The following PLXDC2 variants were observed in gnomAD, a reference collection of about 807,000 sequenced individuals.
PLXDC2 encodes the protein plexin domain-containing protein 2.
Under a neutral mutation model 68.9 loss-of-function variants are expected in PLXDC2, and 40 were observed. The observed-to-expected ratio is 0.58, with a 90% CI of 0.45 to 0.76. PLXDC2 has a LOEUF of 0.76. Ranked by LOEUF, PLXDC2 falls within the 30% of genes least tolerant of loss-of-function variation. PLXDC2 has a pLI of 0.00. For missense variants in PLXDC2, 644 were observed against 661.9 expected (o/e 0.97, Z 0.30); for synonymous variants, 243 against 234.2 (o/e 1.04, Z -0.34).
rs769154733 is a variant in PLXDC2, at chr10:20,279,596, G to A, written c.1474-107G>A. ...TAGCTATAATAAGAGATAATTTAAT[G>A]TGTTAATTAATTCAACATTTAATCT... is the stretch of plus-strand genomic sequence containing the variant. On this transcript the variant is annotated intron_variant, in intron 13 of 13. Transcript: ENST00000377252. 229 of 824,818 alleles carry A rather than the reference G, an allele frequency of 2.8e-4. 1 individual carries two copies. The highest frequency in any genetic ancestry group is 1.6e-3 in the Middle Eastern group (7 of 4,354). The allele number at this position is 824,818 out of a possible 1,614,324, so 51.1% of individuals were successfully genotyped here.
chr10:20,100,966 C>G (rs747351675), intron 4 of PLXDC2, among the ~76,000 whole-genome samples: 1 of 151,756 alleles, frequency 6.6e-6, no homozygotes, highest in Non-Finnish European at 1.5e-5. Context: ...GTATGTTGTT[C>G]TCACTTACTA....
intron 1 of PLXDC2, among the ~76,000 whole-genome samples, chr10:19,880,671 C>T (rs11592226): frequency 0.045 from 6,791 of 152,206 alleles, 191 homozygotes; most frequent in Middle Eastern, 0.12. Context: ...GTATTCAGTA[C>T]TTTCCATGAG....
intron 1 of PLXDC2, among the ~76,000 whole-genome samples, chr10:19,946,344 T>G (rs2131402409): frequency 6.6e-6 from 1 of 152,124 alleles, no homozygotes; most frequent in Middle Eastern, 3.4e-3. Flanking sequence ...TTCCACTCTA[T>G]CTCTTCACTC....
At chr10:20,005,121 G>A (rs1564654208) in intron 2 of PLXDC2, among the ~76,000 whole-genome samples, 1 of 152,186 alleles carries the variant, frequency 6.6e-6, no homozygotes, top group Non-Finnish European at 1.5e-5. Context: ...TCAAATGCAA[G>A]CTTTGCCAGG....
At chr10:20,015,163 C>T (rs1835189687) in intron 2 of PLXDC2, among the ~76,000 whole-genome samples, 1 of 152,198 alleles carries the variant, frequency 6.6e-6, no homozygotes, top group African/African-American at 2.4e-5. Context: ...CCTCTCTCTG[C>T]TCAATGGCCA....
At chr10:20,103,939 G>A (rs755495164) in intron 4 of PLXDC2, among the ~76,000 whole-genome samples, 13 of 152,182 alleles carry the variant, frequency 8.5e-5, no homozygotes, top group Admixed American at 2.0e-4. Context: ...CACCGTGCCC[G>A]GCTGACACAT....
chr10:20,127,079 T>A (rs1371207910), intron 4 of PLXDC2, among the ~76,000 whole-genome samples: 3 of 151,890 alleles, frequency 2.0e-5, no homozygotes, highest in African/African-American at 7.2e-5. Context: ...CATTAGATAT[T>A]TGGGTGGAAA....
chr10:20,239,272 C>T (rs1835482220), intron 12 of PLXDC2, among the ~76,000 whole-genome samples: 2 of 152,242 alleles, frequency 1.3e-5, no homozygotes, highest in African/African-American at 4.8e-5. Context: ...AGACTAGATT[C>T]CTTCTCACGT....
chr10:19,870,437 A>G (rs1415787301), intron 1 of PLXDC2, among the ~76,000 whole-genome samples: 2 of 141,302 alleles, frequency 1.4e-5, no homozygotes, highest in East Asian at 4.0e-4. Context: ...TTTTTTTTTT[A>G]TTTTTTGAGA....
chr10:19,915,883 G>GAAGA (rs1554844797), intron 1 of PLXDC2, among the ~76,000 whole-genome samples: 1 of 144,292 alleles, frequency 6.9e-6, no homozygotes, highest in Non-Finnish European at 1.5e-5. Context: ...AGAAGAAGAA[G>GAAGA]AAAAAAAACA....
Position 19,854,097 on chromosome 10 carries a change from G to T in PLXDC2, c.112+36906G>T, listed in dbSNP as rs1422227111. ...ATTTACCGTAGTGACAGGAGACAAG[G>T]CTATCACAGCCACAACTGGGTGTCT... On this transcript the variant is annotated intron_variant, in intron 1 of 13. Transcript: ENST00000377252. Among the ~76,000 whole-genome samples, 4 of 152,108 alleles carry T rather than the reference G, an allele frequency of 2.6e-5. No individual in the cohort carries two copies. In the South Asian group the frequency reaches 8.3e-4, roughly 31 times the overall value.
At chr10:20,248,663 G>A (rs1835632295) in intron 13 of PLXDC2, among the ~76,000 whole-genome samples, 1 of 152,060 alleles carries the variant, frequency 6.6e-6, no homozygotes, top group Non-Finnish European at 1.5e-5. Context: ...GATTTTTGGA[G>A]GTGATAATCA....
At chr10:20,182,515 G>A (rs1034301472) in intron 9 of PLXDC2, among the ~76,000 whole-genome samples, 6 of 151,874 alleles carry the variant, frequency 4.0e-5, no homozygotes, top group African/African-American at 1.4e-4. Flanking sequence ...GACTTGGGTT[G>A]TTTTTAGAGG....
intron 9 of PLXDC2, among the ~76,000 whole-genome samples, chr10:20,206,574 T>C (rs1834995872): frequency 6.6e-6 from 1 of 151,844 alleles, no homozygotes; most frequent in South Asian, 2.1e-4. Flanking sequence ...AGGGTATGAA[T>C]GGGTTGTAGA....
chr10:20,067,770 T>C (rs1000783605), intron 3 of PLXDC2, among the ~76,000 whole-genome samples: 1 of 152,128 alleles, frequency 6.6e-6, no homozygotes, highest in African/African-American at 2.4e-5. Flanking sequence ...CATTATGGGA[T>C]GTATAGAAAA....
At chr10:20,169,683 T>C (rs1365388128) in intron 7 of PLXDC2, among the ~76,000 whole-genome samples, 1 of 152,182 alleles carries the variant, frequency 6.6e-6, no homozygotes, top group African/African-American at 2.4e-5. Context: ...TTAATCCTTC[T>C]AGCAAGAAAC....
At chr10:20,169,351 G>A (rs1479400395) in intron 7 of PLXDC2, among the ~76,000 whole-genome samples, 2 of 152,104 alleles carry the variant, frequency 1.3e-5, no homozygotes, top group African/African-American at 4.8e-5. Context: ...TGGTAAGCAC[G>A]AAATGGTATT....
At chr10:19,902,635 G>C (rs1275685353) in intron 1 of PLXDC2, among the ~76,000 whole-genome samples, 2 of 152,156 alleles carry the variant, frequency 1.3e-5, no homozygotes, top group Non-Finnish European at 2.9e-5. Flanking sequence ...AACAGCAACA[G>C]TTTGACTTCC....
rs559646562 is a variant in PLXDC2 at position 20,260,906 on chromosome 10, T to C, written c.1473+15401T>C. ...ATTCATCCTACAGGTGTTAGGTGAT[T>C]TCTCATTGTAATTTTGACTTCCATT... is the stretch of plus-strand genomic sequence containing the variant. On this transcript the variant is annotated intron_variant, in intron 13 of 13. Coordinates refer to ENST00000377252, the MANE Select transcript of PLXDC2 (RefSeq NM_032812.9). 9.2e-5 allele frequency among the ~76,000 whole-genome samples: 14 copies of C among 152,328 alleles called. No homozygotes were observed. The South Asian group carries it at 2.9e-3, about 32-fold the overall frequency.
Sources: allele counts gnomAD v4.1 joint callset (sites outside exome capture counted in the v4.1 genomes callset), GRCh38; gene constraint gnomAD v4.1.1; transcripts MANE v1.5; gene names NCBI Gene and HGNC (gene_info 2026-07-23, HGNC 2026-07-21).